Variants in APPL1 observed in about 807,000 individuals in gnomAD.
APPL1 encodes the protein adaptor protein, phosphotyrosine interacting with PH domain and leucine zipper 1.
A neutral mutation model predicts 106.8 loss-of-function variants in APPL1; 42 were observed. That is an observed-to-expected ratio of 0.39 (90% CI 0.31 to 0.51). The LOEUF is 0.51. Ranked by LOEUF, APPL1 falls within the 20% of genes least tolerant of loss-of-function variation. The pLI is 0.75. For synonymous variants in APPL1, 263 were observed against 281.8 expected (o/e 0.93, Z 0.67); for missense variants, 769 against 858.2 (o/e 0.90, Z 1.30).
intron 1 of APPL1, among the ~76,000 whole-genome samples, chr3:57,229,475 GT>G (rs112995929): frequency 8.2e-4 from 119 of 145,806 alleles, no homozygotes; most frequent in Admixed American, 2.1e-3. Flanking sequence ...AAGAATTGTG[GT>G]TTTTTTTTTT....
chr3:57,242,280 A>T, intron 6 of APPL1, 138 bp downstream of exon 6: 1 of 624,852 alleles, frequency 1.6e-6, no homozygotes, highest in East Asian at 3.0e-5. Context: ...CAGTATTGCT[A>T]CTTAAATTAC....
intron 3 of APPL1, 65 bp from the exon 4 acceptor site, chr3:57,237,980 A>T (rs1017101512): frequency 5.7e-6 from 7 of 1,231,816 alleles, no homozygotes; most frequent in African/African-American, 3.1e-5. Flanking sequence ...AATGTAAATT[A>T]TAGTAATGTC....
At chr3:57,248,441 TGATTTTTATTA>T (rs1360073480) in intron 10 of APPL1, 90 bp downstream of exon 10, 24 of 1,424,210 alleles carry the variant, frequency 1.7e-5, no homozygotes, top group Admixed American at 2.3e-5. Context: ...TGTCATATTT[TGATTTTTATTA>T]AAGGTTGAAA....
In APPL1 at chr3:57,259,807, T is replaced by TAA; in HGVS notation, c.1484-29_1484-28dup. ...AAAAATAAAATGTAAATTTATACAGTAAAAAAAAAATATGTAATACACCTT... is the reference window on the plus strand; with the variant it reads ...AAAAATAAAATGTAAATTTATACAGTAAAAAAAAAAAATATGTAATACACCTT... On this transcript the variant is annotated intron_variant, in intron 16 of 21. Coordinates refer to ENST00000288266, the MANE Select transcript of APPL1 (RefSeq NM_012096.3). The TAA allele has an allele frequency of 6.9e-6, 8 of 1,158,076 alleles. No homozygotes were observed. In the Admixed American group the frequency reaches 1.1e-4, roughly 16 times the overall value. 71.7% of individuals were successfully genotyped at this position (1,158,076 alleles called of 1,614,324 possible).
rs947719457 is a variant in APPL1, at chr3:57,270,930, A to G, written c.*1243A>G. On this transcript the variant is annotated 3_prime_UTR_variant, in exon 22 of 22. Transcript: ENST00000288266. ...TTAAAATAACATTTCTCTACTGCCT[A>G]TTGTTTATGTTAAACCTTAATTTTT... is the stretch of plus-strand genomic sequence containing the variant. 1.3e-5 allele frequency: 2 copies of G among 152,160 alleles called. No individual in the cohort carries two copies. Among genetic ancestry groups the G allele is most frequent in the African/African-American group, 2.4e-5 (1 of 41,444 alleles). 9.4% of individuals were successfully genotyped at this position (152,160 alleles called of 1,614,324 possible).
chr3:57,262,852 ATT>A (rs5849200), intron 19 of APPL1, among the ~76,000 whole-genome samples: 222 of 127,338 alleles, frequency 1.7e-3, no homozygotes, highest in Admixed American at 2.7e-3. Context: ...GTGTGTATGC[ATT>A]TTTTTTTTTT....
At chr3:57,250,965 G>A (rs1264087965) in intron 11 of APPL1, among the ~76,000 whole-genome samples, 1 of 149,054 alleles carries the variant, frequency 6.7e-6, no homozygotes, top group Non-Finnish European at 1.5e-5. Flanking sequence ...CTGCTACCAC[G>A]CCCGGCTAAT....
At chr3:57,248,541 C>G (rs2060786962) in intron 10 of APPL1, among the ~76,000 whole-genome samples, 190 bp downstream of exon 10, 1 of 152,038 alleles carries the variant, frequency 6.6e-6, no homozygotes. Flanking sequence ...AAAATCCTAC[C>G]TAGATATTTA....
At chr3:57,231,338 C>CAAAA (rs71088043) in intron 1 of APPL1, among the ~76,000 whole-genome samples, 28 of 72,190 alleles carry the variant, frequency 3.9e-4, no homozygotes, top group East Asian at 9.1e-4. Context: ...GACTCCGTCT[C>CAAAA]AAAAAAAAAA....
chr3:57,259,758 C>T lies in APPL1; in HGVS notation c.1484-87C>T, dbSNP rs1337898012. On this transcript the variant is annotated intron_variant, in intron 16 of 21. Coordinates refer to ENST00000288266, the MANE Select transcript of APPL1 (RefSeq NM_012096.3). ...CTAAAAGGAGGCAGTGTATTTTATT[C>T]TTTTGGAAAAGAAATATGGCGAAAA... 7 of 1,162,628 alleles carry T rather than the reference C, an allele frequency of 6.0e-6. No individual in the cohort carries two copies. In the African/African-American group the frequency reaches 1.1e-4, roughly 19 times the overall value. 72.0% of individuals were successfully genotyped at this position (1,162,628 alleles called of 1,614,324 possible). A position where few individuals can be genotyped will look rare whatever the true frequency, so the allele number is the denominator to read the frequency against.
rs1405059160 is a variant in APPL1, at chr3:57,259,876, A to G, written c.1515A>G (p.Arg505=). Reference sequence around the variant, plus strand: ...TTCTTCATCAGTTATTTATTGTCCGATTCCTTGGTTCAATGGAGGTGAAAT... The same window carrying G: ...TTCTTCATCAGTTATTTATTGTCCGGTTCCTTGGTTCAATGGAGGTGAAAT... The part of the protein sequence containing the change: ...DSILHQLFIV[R]FLGSMEVKSD... The change falls in exon 17 of 22, where the codon CGA becomes CGG. Residue 505 remains arginine, a synonymous_variant. Coordinates refer to ENST00000288266, the MANE Select transcript of APPL1 (RefSeq NM_012096.3). The G allele has an allele frequency of 6.2e-7, 1 of 1,608,040 alleles. No individual in the cohort carries two copies. Among genetic ancestry groups the G allele is most frequent in the East Asian group, 2.2e-5 (1 of 44,834 alleles).
At chr3:57,250,582 GCCTT>G (rs2060798096) in intron 11 of APPL1, among the ~76,000 whole-genome samples, 2 of 152,084 alleles carry the variant, frequency 1.3e-5, no homozygotes, top group South Asian at 4.1e-4. Flanking sequence ...TTTGTCCATT[GCCTT>G]CCAATTTTTA....
intron 12 of APPL1, among the ~76,000 whole-genome samples, chr3:57,253,077 A>C (rs1194707862): frequency 1.3e-5 from 2 of 152,182 alleles, no homozygotes; most frequent in Non-Finnish European, 2.9e-5. Context: ...TGCCAAACAA[A>C]ATATTTGTTT....
At chr3:57,231,206 G>A (rs1450135179) in intron 1 of APPL1, among the ~76,000 whole-genome samples, 1 of 151,552 alleles carries the variant, frequency 6.6e-6, no homozygotes, top group African/African-American at 2.4e-5. Flanking sequence ...GGGCGTGGTG[G>A]TGGACGTCTG....
Position 57,246,186 on chromosome 3 carries a change from A to G in APPL1, c.585A>G (p.Ala195=). 1 of 1,610,552 alleles carries G rather than the reference A, an allele frequency of 6.2e-7. No individual in the cohort carries two copies. The highest frequency in any genetic ancestry group is 1.7e-5 in the Admixed American group (1 of 59,310). ...LNTLQYKKKI[A]LLEPLLGYMQ... ...CTCTTCAGTACAAGAAGAAAATAGC[A>G]TTGTTAGAACCTCTACTTGGGTACA... Residue 195 remains alanine, a synonymous_variant, in exon 8 of 22, where the codon GCA becomes GCG. Transcript: ENST00000288266.
intron 5 of APPL1, 107 bp downstream of exon 5, chr3:57,240,659 T>C: frequency 1.0e-6 from 1 of 953,110 alleles, no homozygotes. Context: ...CCTATGCCAC[T>C]CTTACTTTGC....
chr3:57,241,007 C>T (rs1245485294), intron 5 of APPL1, among the ~76,000 whole-genome samples: 1 of 152,104 alleles, frequency 6.6e-6, no homozygotes, highest in East Asian at 1.9e-4. Context: ...TAGCAAGAAA[C>T]TCAGTGTGGC....
At chr3:57,248,426 A>G in intron 10 of APPL1, 75 bp downstream of exon 10, 1 of 1,466,792 alleles carries the variant, frequency 6.8e-7, no homozygotes. Context: ...TAAATAATTG[A>G]TGTCTGTCAT....
chr3:57,230,869 G>A (rs943498003), intron 1 of APPL1: 13 of 357,702 alleles, frequency 3.6e-5, no homozygotes, highest in Non-Finnish European at 5.5e-5. Context: ...CTGGGCACAC[G>A]CCACCAAGCT....
Sources: allele counts gnomAD v4.1 joint callset (sites outside exome capture counted in the v4.1 genomes callset), GRCh38; gene constraint gnomAD v4.1.1; transcripts MANE v1.5; gene names NCBI Gene and HGNC (gene_info 2026-07-23, HGNC 2026-07-21).